HS6ST3: variants seen among roughly 807,000 people sequenced by gnomAD.
The protein encoded by HS6ST3 is heparan sulfate 6-O-sulfotransferase 3.
HS6ST3 carries 12 observed loss-of-function variants against 36.7 expected under a neutral mutation model. That is an observed-to-expected ratio of 0.33 (90% CI 0.21 to 0.53). The LOEUF is 0.53. Among genes scored for constraint, HS6ST3 ranks in the 20% least tolerant of loss-of-function variants. The pLI is 0.95. For missense variants in HS6ST3, 584 were observed against 640.9 expected (o/e 0.91, Z 0.96); for synonymous variants, 240 against 257.5 (o/e 0.93, Z 0.65).
At chr13:96,341,689 G>A (rs114523323) in intron 1 of HS6ST3, among the ~76,000 whole-genome samples, 1,895 of 152,190 alleles carry the variant, frequency 0.012, 42 homozygotes, top group African/African-American at 0.044. Context: ...AATGGAGATC[G>A]ATGGGCTCTT....
At chr13:96,229,210 T>G (rs1594723820) in intron 1 of HS6ST3, among the ~76,000 whole-genome samples, 1 of 152,216 alleles carries the variant, frequency 6.6e-6, no homozygotes, top group Non-Finnish European at 1.5e-5. Flanking sequence ...CTCTGATTTT[T>G]GGGGCCTATC....
intron 1 of HS6ST3, among the ~76,000 whole-genome samples, chr13:96,312,951 C>CA (rs754098470): frequency 0.25 from 20,617 of 81,054 alleles, 2,942 homozygotes; most frequent in East Asian, 0.31. Context: ...GACCCTGTCT[C>CA]AAAAAAAAAA....
intron 1 of HS6ST3, among the ~76,000 whole-genome samples, chr13:96,501,478 G>C (rs2056004145): frequency 6.6e-6 from 1 of 152,284 alleles, no homozygotes; most frequent in Non-Finnish European, 1.5e-5. Flanking sequence ...AAGTTATGTA[G>C]CTGTGCTGTG....
chr13:96,548,980 C>T (rs2056208586), intron 1 of HS6ST3, among the ~76,000 whole-genome samples: 1 of 152,200 alleles, frequency 6.6e-6, no homozygotes, highest in South Asian at 2.1e-4. Context: ...ACAATCAACC[C>T]TCACACTCTC....
intron 1 of HS6ST3, among the ~76,000 whole-genome samples, chr13:96,285,700 G>A (rs1397960978): frequency 6.6e-6 from 1 of 152,146 alleles, no homozygotes; most frequent in Non-Finnish European, 1.5e-5. Context: ...GGTATCTTTC[G>A]ATTGCAAGGA....
intron 1 of HS6ST3, among the ~76,000 whole-genome samples, chr13:96,498,561 A>C (rs2055988620): frequency 6.6e-6 from 1 of 152,144 alleles, no homozygotes; most frequent in African/African-American, 2.4e-5. Flanking sequence ...ACCTGATTTC[A>C]ATTTCCTGTA....
At chr13:96,091,604 C>G (rs1214761720) in intron 1 of HS6ST3, 35 bp downstream of exon 1, 1 of 1,522,398 alleles carries the variant, frequency 6.6e-7, no homozygotes. Flanking sequence ...TTCTTCCCCC[C>G]CACCCCCCAT....
intron 1 of HS6ST3, among the ~76,000 whole-genome samples, chr13:96,242,676 A>G (rs1217815673): frequency 6.6e-6 from 1 of 152,204 alleles, no homozygotes; most frequent in East Asian, 1.9e-4. Context: ...GAAGATAACG[A>G]GTGTTGGTGA....
At chr13:96,144,377 AC>A (rs2054046293) in intron 1 of HS6ST3, among the ~76,000 whole-genome samples, 1 of 152,134 alleles carries the variant, frequency 6.6e-6, no homozygotes, top group Admixed American at 6.5e-5. Flanking sequence ...CTCATTACTA[AC>A]ATAATTCTAT....
At chr13:96,128,865 T>TTTTTTTTTA (rs1376093401) in intron 1 of HS6ST3, among the ~76,000 whole-genome samples, 2,522 of 151,382 alleles carry the variant, frequency 0.017, 58 homozygotes, top group African/African-American at 0.057. Context: ...TTTTTTTTTT[T>TTTTTTTTTA]GGCGGAGTTT....
chr13:96,445,398 T>A (rs998150262), intron 1 of HS6ST3, among the ~76,000 whole-genome samples: 1 of 152,120 alleles, frequency 6.6e-6, no homozygotes, highest in Admixed American at 6.5e-5. Flanking sequence ...AAAAGTAGTT[T>A]GAAGTCTTAT....
At chr13:96,791,249 C>A (rs543550995) in intron 1 of HS6ST3, among the ~76,000 whole-genome samples, 1 of 152,188 alleles carries the variant, frequency 6.6e-6, no homozygotes, top group Non-Finnish European at 1.5e-5. Flanking sequence ...TGCTAATTTT[C>A]ACCATCCTCT....
intron 1 of HS6ST3, among the ~76,000 whole-genome samples, chr13:96,377,058 T>C: frequency 1.4e-5 from 2 of 147,826 alleles, no homozygotes; most frequent in Admixed American, 1.4e-4. Context: ...TATTATAATA[T>C]ATATTTTATA....
chr13:96,589,057 A>G (rs985750327), intron 1 of HS6ST3, among the ~76,000 whole-genome samples: 5 of 144,900 alleles, frequency 3.5e-5, no homozygotes, highest in African/African-American at 1.0e-4. Context: ...TCTCAAGAGA[A>G]AAAAAAAAAA....
chr13:96,761,729 T>A (rs529860652), intron 1 of HS6ST3, among the ~76,000 whole-genome samples: 2 of 152,308 alleles, frequency 1.3e-5, no homozygotes, highest in African/African-American at 4.8e-5. Context: ...TTCATTTACA[T>A]AAGTATTATA....
At chr13:96,124,666 A>G (rs113709750) in intron 1 of HS6ST3, among the ~76,000 whole-genome samples, 1 of 152,168 alleles carries the variant, frequency 6.6e-6, no homozygotes, top group African/African-American at 2.4e-5. Context: ...CTGAGGGCAT[A>G]ACCAGGTAAA....
intron 1 of HS6ST3, among the ~76,000 whole-genome samples, chr13:96,606,118 G>A (rs1400529401): frequency 6.6e-6 from 1 of 152,132 alleles, no homozygotes; most frequent in African/African-American, 2.4e-5. Flanking sequence ...CTTATACACT[G>A]TTGGGAATGT....
intron 1 of HS6ST3, among the ~76,000 whole-genome samples, chr13:96,813,582 C>T (rs764693153): frequency 2.0e-5 from 3 of 152,172 alleles, no homozygotes; most frequent in East Asian, 1.9e-4. Flanking sequence ...GAAATTCTTG[C>T]GTCTTTACTT....
At chr13:96,630,873 A>G (rs2056529664) in intron 1 of HS6ST3, among the ~76,000 whole-genome samples, 1 of 152,106 alleles carries the variant, frequency 6.6e-6, no homozygotes, top group South Asian at 2.1e-4. Context: ...GGGAAAATTC[A>G]CTTTCAGAAA....
Sources: allele counts gnomAD v4.1 joint callset (sites outside exome capture counted in the v4.1 genomes callset), GRCh38; gene constraint gnomAD v4.1.1; transcripts MANE v1.5; gene names NCBI Gene and HGNC (gene_info 2026-07-23, HGNC 2026-07-21).